Variants in CFDP1 observed in about 807,000 individuals in gnomAD.
CFDP1 encodes the protein heterochromatin-stabilizing protein CFDP1.
In CFDP1, 31 loss-of-function variants were observed where a neutral mutation model predicts 40.1. That is an observed-to-expected ratio of 0.77 (90% CI 0.58 to 1.04). The LOEUF (loss-of-function observed/expected upper bound fraction) is 1.04, where lower values mean the gene tolerates loss of function less well. Ranked by LOEUF, CFDP1 falls within the 50% of genes least tolerant of loss-of-function variation. The pLI is 0.00. For missense variants in CFDP1, 423 were observed against 343.4 expected (o/e 1.23, Z -1.83); for synonymous variants, 167 against 120.0 (o/e 1.39, Z -2.56).
intron 5 of CFDP1, among the ~76,000 whole-genome samples, chr16:75,374,821 C>T (rs534294632): frequency 3.9e-5 from 6 of 152,172 alleles, no homozygotes; most frequent in African/African-American, 7.2e-5. Context: ...AAATTGACTG[C>T]TTATTTTTTC....
chr16:75,386,126 TAAAGTA>T (rs1282784895), intron 5 of CFDP1, among the ~76,000 whole-genome samples: 1 of 152,010 alleles, frequency 6.6e-6, no homozygotes, highest in Non-Finnish European at 1.5e-5. Context: ...TCCCGGAACT[TAAAGTA>T]AAATTAAAAA....
chr16:75,367,843 G>C (rs1447485777), intron 5 of CFDP1, among the ~76,000 whole-genome samples: 7 of 149,686 alleles, frequency 4.7e-5, no homozygotes, highest in African/African-American at 1.7e-4. Flanking sequence ...GGTGGCTCAC[G>C]CCTGTAATTC....
chr16:75,344,673 C>T (rs529513551), intron 5 of CFDP1, among the ~76,000 whole-genome samples: 1 of 152,320 alleles, frequency 6.6e-6, no homozygotes, highest in South Asian at 2.1e-4. Flanking sequence ...GTGGCTCACA[C>T]CTGTAATCCC....
chr16:75,387,110 G>A (rs2078904467), intron 5 of CFDP1, among the ~76,000 whole-genome samples: 1 of 151,396 alleles, frequency 6.6e-6, no homozygotes, highest in South Asian at 2.1e-4. Context: ...ACATGAAGGT[G>A]AAAGTCAGGT....
intron 5 of CFDP1, among the ~76,000 whole-genome samples, chr16:75,346,573 A>C: frequency 2.1e-5 from 2 of 96,814 alleles, no homozygotes; most frequent in Non-Finnish European, 3.9e-5. Context: ...ACAGAGCAAG[A>C]CTCTGTCTCA....
intron 5 of CFDP1, among the ~76,000 whole-genome samples, chr16:75,353,870 C>G (rs1051617827): frequency 6.7e-6 from 1 of 150,364 alleles, no homozygotes; most frequent in Non-Finnish European, 1.5e-5. Flanking sequence ...AGTTTTCAAA[C>G]CATTTTTCCC....
chr16:75,412,417 G>T, intron 3 of CFDP1, 118 bp downstream of exon 3: 1 of 795,458 alleles, frequency 1.3e-6, no homozygotes, highest in Non-Finnish European at 2.1e-6. Flanking sequence ...GAAATGCTTT[G>T]CTTTTCACTT....
chr16:75,356,072 T>G (rs1392834034), intron 5 of CFDP1, among the ~76,000 whole-genome samples: 1 of 152,226 alleles, frequency 6.6e-6, no homozygotes, highest in East Asian at 1.9e-4. Context: ...TGTGGATATT[T>G]TGGCCTCCTC....
At chr16:75,375,067 C>G (rs1284222181) in intron 5 of CFDP1, among the ~76,000 whole-genome samples, 1 of 140,540 alleles carries the variant, frequency 7.1e-6, no homozygotes, top group Admixed American at 7.2e-5. Context: ...AAAAAAAAAA[C>G]CTAAATGTGT....
intron 5 of CFDP1, among the ~76,000 whole-genome samples, chr16:75,319,038 C>G (rs2078344830): frequency 1.3e-5 from 2 of 152,094 alleles, no homozygotes; most frequent in Admixed American, 1.3e-4. Context: ...CCTCTCAATA[C>G]CAAACTTACT....
chr16:75,325,422 A>G (rs1047755700), intron 5 of CFDP1, among the ~76,000 whole-genome samples: 3 of 152,164 alleles, frequency 2.0e-5, no homozygotes, highest in East Asian at 1.9e-4. Context: ...CCATTTCTCA[A>G]TGAGGCTTAT....
chr16:75,376,397 T>G (rs767906973), intron 5 of CFDP1, among the ~76,000 whole-genome samples: 1 of 152,172 alleles, frequency 6.6e-6, no homozygotes, highest in Admixed American at 6.5e-5. Context: ...ATGAACAATT[T>G]ATAAAAAGCA....
chr16:75,367,881 G>C (rs999512923), intron 5 of CFDP1, among the ~76,000 whole-genome samples: 2 of 151,810 alleles, frequency 1.3e-5, no homozygotes, highest in Non-Finnish European at 2.9e-5. Flanking sequence ...GAGGCAGGTG[G>C]ATCACTTGAG....
At chr16:75,399,418 A>G (rs1171783118) in intron 4 of CFDP1, among the ~76,000 whole-genome samples, 1 of 152,232 alleles carries the variant, frequency 6.6e-6, no homozygotes, top group Non-Finnish European at 1.5e-5. Flanking sequence ...AGTAATCTGA[A>G]CACATGCTTT....
At chr16:75,407,453 G>A (rs1347720669) in intron 4 of CFDP1, among the ~76,000 whole-genome samples, 6 of 152,018 alleles carry the variant, frequency 3.9e-5, no homozygotes, top group Non-Finnish European at 8.8e-5. Context: ...AAGGCAGCAG[G>A]ATCACTTGAG....
Position 75,318,610 on chromosome 16 carries a change from T to C in CFDP1, c.651-13428A>G, listed in dbSNP as rs182872860. Among the ~76,000 whole-genome samples, 130 of 152,208 alleles carry C rather than the reference T, an allele frequency of 8.5e-4. 1 individual carries two copies. Among genetic ancestry groups the C allele is most frequent in the Non-Finnish European group, 3.1e-4 (21 of 68,010 alleles). ...TAGTAGAGACTGGGTTTCACCGTGTTAGCCAGGATGGTCTCGATCTCCTGA... is the reference window on the plus strand; with the variant it reads ...TAGTAGAGACTGGGTTTCACCGTGTCAGCCAGGATGGTCTCGATCTCCTGA... On this transcript the variant is annotated intron_variant, in intron 5 of 6. Transcript: ENST00000283882.
intron 4 of CFDP1, among the ~76,000 whole-genome samples, chr16:75,409,822 T>G (rs1042057103): frequency 6.6e-6 from 1 of 152,188 alleles, no homozygotes; most frequent in African/African-American, 2.4e-5. Context: ...TGTAGGTGTT[T>G]GTTGTAATAC....
chr16:75,328,717 C>T (rs1193842017), intron 5 of CFDP1, among the ~76,000 whole-genome samples: 2 of 149,188 alleles, frequency 1.3e-5, no homozygotes, highest in South Asian at 4.2e-4. Context: ...CTCACTCTGT[C>T]ACCCAGGCTG....
intron 5 of CFDP1, among the ~76,000 whole-genome samples, chr16:75,359,537 A>C (rs554887420): frequency 3.3e-5 from 5 of 152,178 alleles, no homozygotes; most frequent in Non-Finnish European, 7.3e-5. Context: ...ATAAGACAAA[A>C]CAACAAAACC....
Sources: gnomAD v4.1 joint callset for allele counts (sites outside exome capture counted in the v4.1 genomes callset) on GRCh38, gnomAD v4.1.1 for gene constraint, MANE v1.5 for transcripts, NCBI Gene and HGNC (gene_info 2026-07-23, HGNC 2026-07-21) for gene names.